ABAT: variants seen among roughly 807,000 people sequenced by gnomAD.
The protein encoded by ABAT is 4-aminobutyrate aminotransferase.
In ABAT, 45 loss-of-function variants were observed where a neutral mutation model predicts 64.6. That is an observed-to-expected ratio of 0.70 (90% CI 0.55 to 0.89). The LOEUF is 0.89. Ranked by LOEUF, ABAT falls within the 40% of genes least tolerant of loss-of-function variation. The probability of loss-of-function intolerance (pLI) is 0.00; values close to 1 mark genes in which losing one functional copy is unlikely to be tolerated. For synonymous variants in ABAT, 297 were observed against 250.5 expected, an observed-to-expected ratio of 1.19 and a Z score of -1.75; for missense variants, 633 against 658.4, an observed-to-expected ratio of 0.96 and a Z score of 0.42.
intron 2 of ABAT, among the ~76,000 whole-genome samples, chr16:8,743,649 A>G (rs1596448893): frequency 1.5e-4 from 1 of 6,476 alleles, no homozygotes; most frequent in Non-Finnish European, 4.0e-4. Flanking sequence ...ATAATATATA[A>G]TATATATTTT....
At chr16:8,723,174 A>G (rs1373773062) in intron 1 of ABAT, among the ~76,000 whole-genome samples, 1 of 152,210 alleles carries the variant, frequency 6.6e-6, no homozygotes, top group Non-Finnish European at 1.5e-5. Flanking sequence ...CAGAGGTTAC[A>G]GTGAGCCAAG....
chr16:8,692,833 C>T lies in ABAT; in HGVS notation c.-42+18122C>T, dbSNP rs187878468. On this transcript the variant is annotated intron_variant, in intron 1 of 15. Transcript: ENST00000268251. ...CATTTAAGGAGAACTTTGCTTGGCT[C>T]AGACCTTTGAAGGATCCAAAGGTAC... Among the ~76,000 whole-genome samples, 119 of 152,340 alleles carry T rather than the reference C, an allele frequency of 7.8e-4. 3 individuals carry two copies. In the East Asian group the frequency reaches 0.02, roughly 26 times the overall value.
intron 3 of ABAT, among the ~76,000 whole-genome samples, chr16:8,747,556 A>G (rs57933277): frequency 0.034 from 5,223 of 152,276 alleles, 288 homozygotes; most frequent in African/African-American, 0.12. Flanking sequence ...TTGGAAATAT[A>G]TAATTTTATG....
chr16:8,691,339 G>A (rs1001837774), intron 1 of ABAT, among the ~76,000 whole-genome samples: 2 of 152,176 alleles, frequency 1.3e-5, no homozygotes, highest in Non-Finnish European at 2.9e-5. Context: ...CCCTTCACCT[G>A]AACACTTGCA....
intron 1 of ABAT, among the ~76,000 whole-genome samples, chr16:8,686,664 T>C (rs2057462999): frequency 6.6e-6 from 1 of 152,158 alleles, no homozygotes; most frequent in Non-Finnish European, 1.5e-5. Context: ...GGAGCATTTC[T>C]AGTGAGAAAC....
In ABAT at chr16:8,712,499, C is replaced by T. The variant is rs916042450; in HGVS notation, c.-41-23200C>T. On this transcript the variant is annotated intron_variant, in intron 1 of 15. Coordinates refer to ENST00000268251, the MANE Select transcript of ABAT (RefSeq NM_020686.6). Reference sequence around the variant, plus strand: ...AAAAAATCATGGGAAATGGTCTAGGCGCCGTGGCTCACTGGTGAATATTGT... The same window carrying T: ...AAAAAATCATGGGAAATGGTCTAGGTGCCGTGGCTCACTGGTGAATATTGT... Among the ~76,000 whole-genome samples the T allele has an allele frequency of 8.5e-5, 13 of 152,258 alleles. No individual in the cohort carries two copies. The East Asian group carries it at 2.3e-3, about 27-fold the overall frequency.
intron 1 of ABAT, among the ~76,000 whole-genome samples, chr16:8,682,625 C>T (rs1315394333): frequency 6.6e-6 from 1 of 152,202 alleles, no homozygotes; most frequent in African/African-American, 2.4e-5. Flanking sequence ...CCAACCTTGT[C>T]CTTGTCCAGA....
chr16:8,742,154 C>G lies in ABAT; in HGVS notation c.71-3847C>G, dbSNP rs957701298. Among the ~76,000 whole-genome samples, 3 of 152,208 alleles carry G rather than the reference C, an allele frequency of 2.0e-5. No homozygotes were observed. The East Asian group carries it at 5.8e-4, about 29-fold the overall frequency. On this transcript the variant is annotated intron_variant, in intron 2 of 15. Transcript: ENST00000268251. Reference sequence around the variant, plus strand: ...AGCGCCCAGTTAGCCAGTTCTCACCCTTTCTTCACCACCTCTCCCAGCTCC... The same window carrying G: ...AGCGCCCAGTTAGCCAGTTCTCACCGTTTCTTCACCACCTCTCCCAGCTCC...
At chr16:8,775,166 T>TTAGAAAACCTG in intron 13 of ABAT, 109 bp downstream of exon 13, 1 of 1,441,688 alleles carries the variant, frequency 6.9e-7, no homozygotes, top group Non-Finnish European at 9.6e-7. Flanking sequence ...ACTTACTGGG[T>TTAGAAAACCTG]CGCAGGTTTT....
intron 2 of ABAT, 86 bp from the exon 3 acceptor site, chr16:8,745,915 G>C (rs1398416823): frequency 3.0e-5 from 40 of 1,323,930 alleles, no homozygotes; most frequent in Non-Finnish European, 4.2e-5. Context: ...CACTACCTCT[G>C]TTAGGGACAT....
At chr16:8,681,824 T>A (rs2057340582) in intron 1 of ABAT, among the ~76,000 whole-genome samples, 2 of 152,028 alleles carry the variant, frequency 1.3e-5, no homozygotes, top group African/African-American at 2.4e-5. Flanking sequence ...GTATTTTTAG[T>A]GGAGACAGGG....
At chr16:8,705,290 C>G (rs905297514) in intron 1 of ABAT, among the ~76,000 whole-genome samples, 11 of 151,952 alleles carry the variant, frequency 7.2e-5, no homozygotes, top group African/African-American at 2.7e-4. Context: ...ACAGGGAAAA[C>G]TGCCACTTTA....
intron 3 of ABAT, among the ~76,000 whole-genome samples, chr16:8,747,022 G>T (rs7191001): frequency 0.03 from 4,569 of 152,240 alleles, 209 homozygotes; most frequent in African/African-American, 0.1. Flanking sequence ...GGCTAGATGG[G>T]GCTTGTCCTC....
At chr16:8,752,457 G>T (rs2059517221) in intron 5 of ABAT, among the ~76,000 whole-genome samples, 1 of 152,138 alleles carries the variant, frequency 6.6e-6, no homozygotes, top group Non-Finnish European at 1.5e-5. Context: ...AGCAGCATTT[G>T]TTTAAAAAAC....
chr16:8,700,554 T>C (rs1229454565), intron 1 of ABAT, among the ~76,000 whole-genome samples: 1 of 152,192 alleles, frequency 6.6e-6, no homozygotes, highest in Non-Finnish European at 1.5e-5. Flanking sequence ...TAGATACTCC[T>C]TGATGTCAGG....
intron 1 of ABAT, among the ~76,000 whole-genome samples, chr16:8,729,436 T>C (rs1457395679): frequency 6.6e-6 from 1 of 152,208 alleles, no homozygotes; most frequent in Non-Finnish European, 1.5e-5. Flanking sequence ...ATAACCTCTC[T>C]GAGCCTCCCT....
intron 12 of ABAT, among the ~76,000 whole-genome samples, chr16:8,773,924 C>T (rs1383226481): frequency 6.6e-6 from 1 of 151,936 alleles, no homozygotes; most frequent in African/African-American, 2.4e-5. Flanking sequence ...TGTATATGTA[C>T]CATATTTTCT....
chr16:8,713,769 C>A, intron 1 of ABAT: 1 of 432,170 alleles, frequency 2.3e-6, no homozygotes, highest in African/African-American at 2.0e-5. Flanking sequence ...TAGGATGAAC[C>A]CAGCCAGCTG....
chr16:8,717,589 C>T (rs1051122160), intron 1 of ABAT, among the ~76,000 whole-genome samples: 3 of 152,158 alleles, frequency 2.0e-5, no homozygotes, highest in Non-Finnish European at 4.4e-5. Context: ...CACACTGGCC[C>T]TGGTGCTGTA....
Sources: gnomAD v4.1 joint callset for allele counts (sites outside exome capture counted in the v4.1 genomes callset) on GRCh38, gnomAD v4.1.1 for gene constraint, MANE v1.5 for transcripts, NCBI Gene and HGNC (gene_info 2026-07-23, HGNC 2026-07-21) for gene names.